Variants in FYN observed in about 807,000 individuals in gnomAD.
The protein encoded by FYN is tyrosine-protein kinase Fyn.
In FYN, 10 loss-of-function variants were observed where a neutral mutation model predicts 70.2. That is an observed-to-expected ratio of 0.14 (90% CI 0.09 to 0.24). The LOEUF (loss-of-function observed/expected upper bound fraction) is 0.24, where lower values mean the gene tolerates loss of function less well. FYN is among the 10% of genes least tolerant of loss of function. FYN has a pLI of 1.00. For synonymous variants in FYN, 236 were observed against 248.6 expected, an observed-to-expected ratio of 0.95 and a Z score of 0.48; for missense variants, 319 against 673.1, an observed-to-expected ratio of 0.47 and a Z score of 5.82.
intron 12 of FYN, among the ~76,000 whole-genome samples, chr6:111,678,149 T>G (rs12203265): frequency 1.4e-5 from 2 of 142,646 alleles, no homozygotes; most frequent in South Asian, 2.2e-4. Context: ...TGTGTGTGTG[T>G]GGTGTGTGTA....
At chr6:111,683,233 G>A (rs1798849350) in intron 12 of FYN, among the ~76,000 whole-genome samples, 1 of 152,228 alleles carries the variant, frequency 6.6e-6, no homozygotes, top group Non-Finnish European at 1.5e-5. Flanking sequence ...GCAGAGACAG[G>A]AAAAGAGAAC....
At chr6:111,682,024 A>G (rs1050559216) in intron 12 of FYN, among the ~76,000 whole-genome samples, 12 of 152,190 alleles carry the variant, frequency 7.9e-5, no homozygotes, top group African/African-American at 2.9e-4. Context: ...CCTTAAATAG[A>G]ATGCAAATCC....
chr6:111,675,357 C>T (rs866622010), intron 12 of FYN, among the ~76,000 whole-genome samples: 17 of 152,132 alleles, frequency 1.1e-4, no homozygotes, highest in Admixed American at 5.2e-4. Flanking sequence ...CTTTTCAAGA[C>T]CAAGGTGCAA....
chr6:111,792,732 C>T (rs1366523323), intron 2 of FYN, among the ~76,000 whole-genome samples: 2 of 152,128 alleles, frequency 1.3e-5, no homozygotes, highest in Non-Finnish European at 2.9e-5. Context: ...CCAGGCTGTC[C>T]CCTAGTCTTG....
chr6:111,803,259 T>C (rs903390354), intron 2 of FYN, among the ~76,000 whole-genome samples: 4 of 152,264 alleles, frequency 2.6e-5, no homozygotes, highest in Admixed American at 6.5e-5. Flanking sequence ...GGCACTCCTC[T>C]GAAAGTATTA....
chr6:111,717,891 G>A (rs900143247), intron 4 of FYN, among the ~76,000 whole-genome samples: 1 of 152,134 alleles, frequency 6.6e-6, no homozygotes, highest in African/African-American at 2.4e-5. Context: ...ATCCCAAGTG[G>A]GACTTTCCTC....
intron 3 of FYN, among the ~76,000 whole-genome samples, chr6:111,731,874 C>T (rs1243957049): frequency 6.6e-6 from 1 of 152,132 alleles, no homozygotes; most frequent in African/African-American, 2.4e-5. Flanking sequence ...TTGAATATGT[C>T]GTGCGTGTCT....
chr6:111,751,798 T>TG (rs1438671214), intron 3 of FYN, among the ~76,000 whole-genome samples: 2 of 152,124 alleles, frequency 1.3e-5, no homozygotes, highest in Non-Finnish European at 1.5e-5. Context: ...TCTTTTTTTT[T>TG]GGTAGAAACA....
chr6:111,676,168 T>C (rs1798523007), intron 12 of FYN, among the ~76,000 whole-genome samples: 1 of 152,238 alleles, frequency 6.6e-6, no homozygotes, highest in Admixed American at 6.5e-5. Context: ...ATTAGATTTT[T>C]GTCTTAAATA....
chr6:111,852,217 T>C (rs1014927645), intron 1 of FYN, among the ~76,000 whole-genome samples: 1 of 152,216 alleles, frequency 6.6e-6, no homozygotes, highest in African/African-American at 2.4e-5. Flanking sequence ...CACGTTCCCT[T>C]ATATTTCTTA....
chr6:111,821,605 C>A (rs9384809), intron 2 of FYN, among the ~76,000 whole-genome samples: 6,988 of 151,926 alleles, frequency 0.046, 184 homozygotes, highest in East Asian at 0.14. Context: ...CACCAAAAGC[C>A]ATGGCAACAA....
chr6:111,756,772 A>G (rs1802755746), intron 3 of FYN, among the ~76,000 whole-genome samples: 1 of 152,208 alleles, frequency 6.6e-6, no homozygotes, highest in Non-Finnish European at 1.5e-5. Context: ...ACACATTTAT[A>G]ATTTTTTAAA....
intron 2 of FYN, among the ~76,000 whole-genome samples, chr6:111,789,840 C>T (rs374593498): frequency 6.6e-6 from 1 of 152,196 alleles, no homozygotes; most frequent in Non-Finnish European, 1.5e-5. Flanking sequence ...CTGCTGGACA[C>T]GTCTAGCTCT....
At chr6:111,720,088 G>A (rs749700530) in intron 3 of FYN, 26 bp from the exon 4 acceptor site, 61 of 1,559,142 alleles carry the variant, frequency 3.9e-5, no homozygotes, top group East Asian at 3.8e-4. Context: ...AAGGGGGCAC[G>A]TAAGCTGGGA....
At chr6:111,804,375 C>T (rs954384838) in intron 2 of FYN, among the ~76,000 whole-genome samples, 10 of 152,172 alleles carry the variant, frequency 6.6e-5, no homozygotes, top group African/African-American at 2.4e-4. Flanking sequence ...CAGGTGGATG[C>T]TGTAGAGGTC....
rs1772534691 is a variant in FYN, at chr6:111,817,737, C to T, written c.-82+28852G>A. Among the ~76,000 whole-genome samples, 3 of 152,208 alleles carry T rather than the reference C, an allele frequency of 2.0e-5. 1 individual carries two copies. In the South Asian group the frequency reaches 6.2e-4, roughly 32 times the overall value. On this transcript the variant is annotated intron_variant, in intron 2 of 13. Transcript: ENST00000354650. The stretch of plus-strand genomic sequence containing the variant: ...GAAGATACATTGCTTTCCTTAAATG[C>T]TGGATTGAGTTTAAAAGTAGACAGC...
chr6:111,725,181 G>A (rs192027468), intron 3 of FYN, among the ~76,000 whole-genome samples: 86 of 152,228 alleles, frequency 5.6e-4, no homozygotes, highest in Non-Finnish European at 8.8e-4. Context: ...ATCTACTTGG[G>A]GACTTTTGCT....
intron 2 of FYN, among the ~76,000 whole-genome samples, chr6:111,828,696 A>G (rs1466691489): frequency 6.6e-6 from 1 of 152,232 alleles, no homozygotes; most frequent in Non-Finnish European, 1.5e-5. Context: ...AGGTACCTAG[A>G]GGAGTCGAAT....
At chr6:111,717,973 A>G (rs1223138069) in intron 4 of FYN, among the ~76,000 whole-genome samples, 1 of 152,206 alleles carries the variant, frequency 6.6e-6, no homozygotes, top group Non-Finnish European at 1.5e-5. Flanking sequence ...CTTTCCTTAG[A>G]TTTCTTTGAA....
Sources: gnomAD v4.1 joint callset for allele counts (sites outside exome capture counted in the v4.1 genomes callset) on GRCh38, gnomAD v4.1.1 for gene constraint, MANE v1.5 for transcripts, NCBI Gene and HGNC (gene_info 2026-07-23, HGNC 2026-07-21) for gene names.